Variants in CXCL13 observed in about 807,000 individuals in gnomAD.
CXCL13 encodes the protein C-X-C motif chemokine 13.
CXCL13 carries 7 observed loss-of-function variants against 12.2 expected under a neutral mutation model. The ratio of observed to expected loss-of-function variants is 0.57; its 90% confidence interval spans 0.33 to 1.07. The LOEUF (loss-of-function observed/expected upper bound fraction) is 1.07, where lower values mean the gene tolerates loss of function less well. Among genes scored for constraint, CXCL13 ranks in the 50% least tolerant of loss-of-function variants. The pLI is 0.04. For synonymous variants in CXCL13, 47 were observed against 42.4 expected, an observed-to-expected ratio of 1.11 and a Z score of -0.42; for missense variants, 113 against 127.4, an observed-to-expected ratio of 0.89 and a Z score of 0.55.
chr4:77,521,566 C>T (rs1724599433), intron 1 of CXCL13, among the ~76,000 whole-genome samples: 1 of 151,778 alleles, frequency 6.6e-6, no homozygotes, highest in African/African-American at 2.4e-5. Context: ...GGTGATATCC[C>T]CTTTATCATT....
chr4:77,589,068 A>G (rs2109829684), intron 1 of CXCL13, among the ~76,000 whole-genome samples: 1 of 152,356 alleles, frequency 6.6e-6, no homozygotes, highest in African/African-American at 2.4e-5. Flanking sequence ...AATGCTTACA[A>G]GAGCCTTCCT....
At chr4:77,558,849 C>T (rs894772114) in intron 1 of CXCL13, among the ~76,000 whole-genome samples, 1 of 152,136 alleles carries the variant, frequency 6.6e-6, no homozygotes, top group Non-Finnish European at 1.5e-5. Context: ...TGGGCTTGAT[C>T]CTCAACTTTT....
In CXCL13 at chr4:77,575,752, C is replaced by T. The variant is rs190733278; in HGVS notation, c.-42-30072C>T. On this transcript the variant is annotated intron_variant, in intron 1 of 4. Transcript: ENST00000286758. ...TAGCTTTTTAATGCTACAGAGGGCCCCTAGAGCATTCAGAAGAGAGGTAAA... is the reference window on the plus strand; with the variant it reads ...TAGCTTTTTAATGCTACAGAGGGCCTCTAGAGCATTCAGAAGAGAGGTAAA... Among the ~76,000 whole-genome samples the T allele has an allele frequency of 2.5e-4, 38 of 151,746 alleles. No individual in the cohort carries two copies. In the East Asian group the frequency reaches 6.0e-3, roughly 24 times the overall value.
chr4:77,514,293 T>A (rs1177062001), intron 1 of CXCL13, among the ~76,000 whole-genome samples: 1 of 151,416 alleles, frequency 6.6e-6, no homozygotes, highest in Non-Finnish European at 1.5e-5. Flanking sequence ...TATAGCAGCA[T>A]GATTTATAGT....
chr4:77,545,384 G>A (rs1239859837), intron 1 of CXCL13, among the ~76,000 whole-genome samples: 4 of 152,142 alleles, frequency 2.6e-5, no homozygotes, highest in Admixed American at 6.6e-5. Flanking sequence ...CATGAGCATG[G>A]AATGTTCTTC....
intron 1 of CXCL13, among the ~76,000 whole-genome samples, chr4:77,574,275 A>T (rs1395045652): frequency 6.6e-6 from 1 of 151,872 alleles, no homozygotes; most frequent in Non-Finnish European, 1.5e-5. Flanking sequence ...AATTTCTGAC[A>T]GCCTAGAACT....
upstream of CXCL13, among the ~76,000 whole-genome samples, chr4:77,602,476 C>G (rs1047258466): frequency 2.0e-5 from 3 of 152,120 alleles, no homozygotes; most frequent in Non-Finnish European, 2.9e-5. Context: ...ATTCAAACCA[C>G]CTGAGAATCT....
At chr4:77,539,234 G>C (rs1725142616) in intron 1 of CXCL13, among the ~76,000 whole-genome samples, 2 of 152,090 alleles carry the variant, frequency 1.3e-5, no homozygotes, top group South Asian at 2.1e-4. Flanking sequence ...GGGTATCCTG[G>C]CTCCCAGTGA....
intron 1 of CXCL13, among the ~76,000 whole-genome samples, chr4:77,557,025 A>G (rs973099101): frequency 6.6e-6 from 1 of 152,164 alleles, no homozygotes; most frequent in Non-Finnish European, 1.5e-5. Flanking sequence ...GACTGTCTCT[A>G]AAAAATAAAA....
chr4:77,527,712 T>G (rs2110082909), intron 1 of CXCL13, among the ~76,000 whole-genome samples: 1 of 152,224 alleles, frequency 6.6e-6, no homozygotes, highest in East Asian at 1.9e-4. Context: ...TTTAGATAAC[T>G]CCAGCTCCCA....
rs531446999 is a variant in CXCL13, at chr4:77,552,564, C to T, written c.-43+40776C>T. ...GGTTCACAGTGGTCTGAGCTCCCTC[C>T]TTACCCCTGGAGAGGCAGGGGGCAA... On this transcript the variant is annotated intron_variant, in intron 1 of 4. Coordinates refer to the CXCL13 transcript ENST00000286758. Among the ~76,000 whole-genome samples, 4 of 152,342 alleles carry T rather than the reference C, an allele frequency of 2.6e-5. No homozygotes were observed. In the East Asian group the frequency reaches 7.7e-4, roughly 29 times the overall value.
chr4:77,539,124 G>A (rs1725140327), intron 1 of CXCL13, among the ~76,000 whole-genome samples: 1 of 151,364 alleles, frequency 6.6e-6, no homozygotes, highest in Non-Finnish European at 1.5e-5. Flanking sequence ...GAGGGCAGTG[G>A]CGTGATCTCA....
intron 1 of CXCL13, among the ~76,000 whole-genome samples, chr4:77,538,205 G>A (rs559968225): frequency 2.0e-5 from 3 of 152,278 alleles, no homozygotes; most frequent in African/African-American, 7.2e-5. Flanking sequence ...GAGAGAGGAG[G>A]CAGGAAGGTG....
intron 1 of CXCL13, among the ~76,000 whole-genome samples, chr4:77,526,337 C>A (rs1467957452): frequency 6.6e-6 from 1 of 151,780 alleles, no homozygotes; most frequent in Non-Finnish European, 1.5e-5. Flanking sequence ...AAATGTGAAA[C>A]ATTCATCTAA....
chr4:77,529,524 T>G (rs1047771511), intron 1 of CXCL13, among the ~76,000 whole-genome samples: 1 of 152,212 alleles, frequency 6.6e-6, no homozygotes, highest in Admixed American at 6.5e-5. Context: ...GCTAGGTATT[T>G]TATTCTCTTT....
At chr4:77,605,222 C>T (rs972786787), upstream of CXCL13, among the ~76,000 whole-genome samples, 3 of 152,100 alleles carry the variant, frequency 2.0e-5, no homozygotes, top group African/African-American at 7.2e-5. Flanking sequence ...CCTACTGCCC[C>T]CTTCTAAGAA....
intron 1 of CXCL13, among the ~76,000 whole-genome samples, chr4:77,519,898 G>A (rs1724533120): frequency 6.6e-6 from 1 of 152,168 alleles, no homozygotes; most frequent in Non-Finnish European, 1.5e-5. Context: ...CGTATAAGGT[G>A]TAAGGAAGGG....
At chr4:77,552,056 A>G (rs149158845) in intron 1 of CXCL13, among the ~76,000 whole-genome samples, 9 of 152,182 alleles carry the variant, frequency 5.9e-5, no homozygotes, top group African/African-American at 1.9e-4. Context: ...CTAACAATCT[A>G]TCCTTTGAAT....
At chr4:77,565,181 AT>A (rs1725898499) in intron 1 of CXCL13, among the ~76,000 whole-genome samples, 1 of 152,150 alleles carries the variant, frequency 6.6e-6, no homozygotes, top group Non-Finnish European at 1.5e-5. Flanking sequence ...GAATATAGGG[AT>A]TATGGATAAA....
Sources: allele counts gnomAD v4.1 joint callset (sites outside exome capture counted in the v4.1 genomes callset), GRCh38; gene constraint gnomAD v4.1.1; transcripts MANE v1.5; gene names NCBI Gene and HGNC (gene_info 2026-07-23, HGNC 2026-07-21).